ZFR: variants seen among roughly 807,000 people sequenced by gnomAD.
ZFR encodes zinc finger RNA binding protein, also known as zinc finger RNA-binding protein.
ZFR carries 19 observed loss-of-function variants against 130.7 expected under a neutral mutation model. That is an observed-to-expected ratio of 0.15 (90% CI 0.10 to 0.21). The LOEUF (loss-of-function observed/expected upper bound fraction) is 0.21. ZFR is among the 10% of genes least tolerant of loss of function. The pLI, the probability that ZFR is intolerant of heterozygous loss-of-function variation, is 1.00. For missense variants in ZFR, 872 were observed against 1,321.5 expected (o/e 0.66, Z 5.27); for synonymous variants, 466 against 456.9 (o/e 1.02, Z -0.25).
chr5:32,415,255 TA>T (rs5867145), intron 4 of ZFR, 68 bp from the exon 5 acceptor site: 1,302,107 of 1,370,858 alleles, frequency 0.95, 619,118 homozygotes, highest in African/African-American at 0.98. Flanking sequence ...CCAGTATCCT[TA>T]AAAAGCTGGA....
At chr5:32,399,856 C>T in intron 9 of ZFR, 151 bp downstream of exon 9, 1 of 734,174 alleles carries the variant, frequency 1.4e-6, no homozygotes, top group Admixed American at 3.7e-5. Flanking sequence ...AAAGGACATG[C>T]TTTCTTATAA....
At chr5:32,382,186 C>T (rs1752948374) in intron 15 of ZFR, among the ~76,000 whole-genome samples, 1 of 152,042 alleles carries the variant, frequency 6.6e-6, no homozygotes, top group Non-Finnish European at 1.5e-5. Context: ...GCCTGTGGTC[C>T]CAGCTCCTCA....
intron 19 of ZFR, among the ~76,000 whole-genome samples, chr5:32,361,215 T>C (rs1181906405): frequency 6.6e-6 from 1 of 152,228 alleles, no homozygotes; most frequent in African/African-American, 2.4e-5. Flanking sequence ...CACATGGGAA[T>C]TTATTGCTCC....
intron 9 of ZFR, among the ~76,000 whole-genome samples, chr5:32,398,435 T>C (rs1334568349): frequency 3.3e-5 from 5 of 152,344 alleles, no homozygotes; most frequent in African/African-American, 9.6e-5. Context: ...ATGAAGTCTA[T>C]TATGAATACT....
At chr5:32,393,860 C>A (rs1317119464) in intron 11 of ZFR, among the ~76,000 whole-genome samples, 2 of 152,078 alleles carry the variant, frequency 1.3e-5, no homozygotes, top group African/African-American at 4.8e-5. Context: ...AGTAATATCG[C>A]CTCAATAGGT....
intron 2 of ZFR, among the ~76,000 whole-genome samples, chr5:32,437,079 C>T (rs1422287547): frequency 6.6e-6 from 1 of 152,220 alleles, no homozygotes; most frequent in African/African-American, 2.4e-5. Flanking sequence ...TCTATTATAT[C>T]ATGCAATCCA....
At chr5:32,430,914 A>T (rs1230407627) in intron 2 of ZFR, among the ~76,000 whole-genome samples, 2 of 152,008 alleles carry the variant, frequency 1.3e-5, no homozygotes, top group Non-Finnish European at 2.9e-5. Context: ...TGTCTCTACT[A>T]AAAAATACAA....
chr5:32,393,146 CCA>C (rs1753219838), intron 11 of ZFR, among the ~76,000 whole-genome samples: 1 of 152,132 alleles, frequency 6.6e-6, no homozygotes, highest in African/African-American at 2.4e-5. Context: ...TCTGTTAAAA[CCA>C]GACATTAAAG....
At chr5:32,390,519 A>AT in intron 11 of ZFR, 82 bp from the exon 12 acceptor site, 1 of 1,355,960 alleles carries the variant, frequency 7.4e-7, no homozygotes, top group Non-Finnish European at 9.9e-7. Context: ...ATAAAAAGCA[A>AT]TAAAAAACCC....
rs1753511078 is a variant in ZFR, at chr5:32,403,359, T to C, written c.1263A>G (p.Pro421=). Residue 421 remains proline, a synonymous_variant, in exon 8 of 20, where the codon CCA becomes CCG. Coordinates refer to ENST00000265069, the MANE Select transcript of ZFR (RefSeq NM_016107.5). ...GGCTAACAACATTTGGTTCTGTTGA[T>C]GGAATGGGTTTACCAAGTTTTGTGT... ...KLHTKLGKPI[P]STEPNVVSQA... 1 of 1,614,032 alleles carries C rather than the reference T, an allele frequency of 6.2e-7. No individual in the cohort carries two copies. The highest frequency in any genetic ancestry group is 8.5e-7 in the Non-Finnish European group (1 of 1,180,008).
chr5:32,356,037 T>C (rs1016227886), intron 19 of ZFR, 98 bp from the exon 20 acceptor site: 5 of 927,562 alleles, frequency 5.4e-6, no homozygotes, highest in African/African-American at 3.4e-5. Context: ...TAAAAAAGCA[T>C]GTGTAATGAA....
At chr5:32,405,203 T>C (rs1398634561) in intron 6 of ZFR, among the ~76,000 whole-genome samples, 2 of 152,206 alleles carry the variant, frequency 1.3e-5, no homozygotes, top group Non-Finnish European at 2.9e-5. Context: ...CTCAATTATT[T>C]AGGGCAAGTC....
intron 5 of ZFR, among the ~76,000 whole-genome samples, chr5:32,407,620 C>T (rs1383772851): frequency 6.6e-6 from 1 of 151,848 alleles, no homozygotes; most frequent in African/African-American, 2.4e-5. Context: ...TAAAGTTTAG[C>T]AGAAGTTTGT....
Position 32,355,687 on chromosome 5 carries a change from ACATT to A in ZFR, c.*69_*72del, listed in dbSNP as rs1561850591. 3.7e-6 allele frequency: 5 copies of A among 1,339,482 alleles called. No individual in the cohort carries two copies. The highest frequency in any genetic ancestry group is 2.3e-4 in the Middle Eastern group (1 of 4,428). The allele number at this position is 1,339,482 out of a possible 1,614,324, so 83.0% of individuals were successfully genotyped here. A position where few individuals can be genotyped will look rare whatever the true frequency, so the allele number is the denominator to read the frequency against. ...ATTCTTGATAAATTTTTCAATGTAG[ACATT>A]ATTATGAATGAAAAACAGCCAACAA... On this transcript the variant is annotated 3_prime_UTR_variant, in exon 20 of 20. Transcript: ENST00000265069.
intron 2 of ZFR, among the ~76,000 whole-genome samples, chr5:32,434,441 T>C (rs867165352): frequency 6.6e-6 from 1 of 152,324 alleles, no homozygotes; most frequent in Middle Eastern, 3.4e-3. Flanking sequence ...GAATGAACAA[T>C]TTTGCATTCT....
chr5:32,362,659 A>G (rs1050950628), intron 19 of ZFR, among the ~76,000 whole-genome samples: 2 of 152,170 alleles, frequency 1.3e-5, no homozygotes, highest in Non-Finnish European at 2.9e-5. Context: ...CTATCCTTAA[A>G]CACTCCTAGG....
chr5:32,379,461 T>C (rs1256135436), intron 16 of ZFR: 1 of 410,190 alleles, frequency 2.4e-6, no homozygotes, highest in East Asian at 4.8e-5. Context: ...CCTGTGAACC[T>C]TGACCTGTGT....
At chr5:32,397,983 G>A (rs574578755) in intron 9 of ZFR, among the ~76,000 whole-genome samples, 31 of 145,434 alleles carry the variant, frequency 2.1e-4, no homozygotes, top group South Asian at 6.7e-4. Flanking sequence ...TCAGCCTTCC[G>A]AGTAGCTGGG....
chr5:32,439,158 A>G (rs1250049956), intron 2 of ZFR, among the ~76,000 whole-genome samples: 1 of 152,232 alleles, frequency 6.6e-6, no homozygotes, highest in Non-Finnish European at 1.5e-5. Context: ...TCTTATTTCA[A>G]GCTTATCCAT....
Sources: allele counts gnomAD v4.1 joint callset (sites outside exome capture counted in the v4.1 genomes callset), GRCh38; gene constraint gnomAD v4.1.1; transcripts MANE v1.5; gene names NCBI Gene and HGNC (gene_info 2026-07-23, HGNC 2026-07-21).